Variants in SLC14A2 observed in about 807,000 individuals in gnomAD.
The protein encoded by SLC14A2 is urea transporter 2.
SLC14A2 carries 91 observed loss-of-function variants against 104.6 expected under a neutral mutation model. That is an observed-to-expected ratio of 0.87 (90% CI 0.73 to 1.04). The LOEUF is 1.04. Ranked by LOEUF, SLC14A2 falls within the 50% of genes least tolerant of loss-of-function variation. The pLI, the probability that SLC14A2 is intolerant of heterozygous loss-of-function variation, is 0.00. For synonymous variants in SLC14A2, 476 were observed against 466.4 expected (o/e 1.02, Z -0.27); for missense variants, 1,189 against 1,156.0 (o/e 1.03, Z -0.41).
At chr18:45,210,163 G>A (rs1306312825), upstream of SLC14A2, among the ~76,000 whole-genome samples, 1 of 152,170 alleles carries the variant, frequency 6.6e-6, no homozygotes. Flanking sequence ...GAAACATCCA[G>A]GATAGAATGA....
intron 1 of SLC14A2, among the ~76,000 whole-genome samples, chr18:45,385,508 G>C (rs2085885740): frequency 6.6e-6 from 1 of 152,208 alleles, no homozygotes; most frequent in African/African-American, 2.4e-5. Context: ...GTTGTTTCTA[G>C]AGAGGATTGA....
the SLC14A2 span, among the ~76,000 whole-genome samples, chr18:45,181,587 C>T: frequency 2.0e-5 from 3 of 152,070 alleles, no homozygotes; most frequent in African/African-American, 7.2e-5. Flanking sequence ...TTCCCAGATA[C>T]ATATGTAACA....
In SLC14A2 at chr18:45,637,188, T is replaced by A. The variant is rs781211943; in HGVS notation, c.843+6T>A. On this transcript the variant is annotated splice_donor_region_variant and intron_variant, in intron 6 of 19. Transcript: ENST00000255226. ...CAGAGATGGAAATGCCCCTGGTAAG[T>A]TACCCAGCGGTGATGAGTTGAGACC... The A allele has an allele frequency of 9.3e-6, 15 of 1,612,718 alleles. No homozygotes were observed. The East Asian group carries it at 3.1e-4, about 34-fold the overall frequency.
intron 1 of SLC14A2, among the ~76,000 whole-genome samples, chr18:45,341,662 G>A (rs1001237488): frequency 1.5e-5 from 2 of 129,400 alleles, no homozygotes; most frequent in East Asian, 2.2e-4. Flanking sequence ...GTGTGGTCTC[G>A]GCTCCCTGCA....
chr18:45,640,059 C>T (rs945721753), intron 7 of SLC14A2, among the ~76,000 whole-genome samples, 166 bp downstream of exon 7: 2 of 151,758 alleles, frequency 1.3e-5, no homozygotes, highest in Non-Finnish European at 2.9e-5. Flanking sequence ...TTTGGGAGGC[C>T]GAGGCACATA....
At chr18:45,543,548 A>G (rs1480777778) in intron 2 of SLC14A2, among the ~76,000 whole-genome samples, 1 of 152,192 alleles carries the variant, frequency 6.6e-6, no homozygotes, top group Non-Finnish European at 1.5e-5. Flanking sequence ...TACTGGACTA[A>G]TGACCTCTAA....
Position 45,665,688 on chromosome 18 carries a change from C to CTTTTTTTTTTT in SLC14A2, c.1475-431_1475-421dup, listed in dbSNP as rs146248418. 6.2e-4 allele frequency among the ~76,000 whole-genome samples: 49 copies of CTTTTTTTTTTT among 79,302 alleles called. 1 individual carries two copies. Among genetic ancestry groups the CTTTTTTTTTTT allele is most frequent in the African/African-American group, 2.4e-3 (44 of 18,134 alleles). 52.0% of individuals were successfully genotyped at this position (79,302 alleles called of 152,430 possible). A position where few individuals can be genotyped will look rare whatever the true frequency, so the allele number is the denominator to read the frequency against. ...AAGGGCTTCAACAACAACCAAGTTTCTTTTTTTTTTTTTTTTTTTTTTTTT... is the reference window on the plus strand; with the variant it reads ...AAGGGCTTCAACAACAACCAAGTTTCTTTTTTTTTTTTTTTTTTTTTTTTTTTTTTTTTTTT... On this transcript the variant is annotated intron_variant, in intron 11 of 19. Coordinates refer to ENST00000255226, the MANE Select transcript of SLC14A2 (RefSeq NM_007163.4).
intron 2 of SLC14A2, among the ~76,000 whole-genome samples, chr18:45,556,641 G>T (rs28522953): frequency 0.02 from 3,034 of 152,268 alleles, 112 homozygotes; most frequent in African/African-American, 0.069. Context: ...TTCGTGTGAA[G>T]ATTAAATGAG....
intron 1 of SLC14A2, among the ~76,000 whole-genome samples, chr18:45,369,639 A>T (rs920473325): frequency 6.6e-6 from 1 of 152,200 alleles, no homozygotes; most frequent in African/African-American, 2.4e-5. Flanking sequence ...GTAAAAGCAA[A>T]GCTGTGAGAA....
chr18:45,394,138 G>GT (rs1254634084), intron 1 of SLC14A2, among the ~76,000 whole-genome samples: 1 of 152,128 alleles, frequency 6.6e-6, no homozygotes, highest in Non-Finnish European at 1.5e-5. Context: ...TGATACTTTC[G>GT]TTAGTCCAAG....
chr18:45,294,348 C>G (rs2072673157), intron 1 of SLC14A2, among the ~76,000 whole-genome samples: 1 of 152,166 alleles, frequency 6.6e-6, no homozygotes. Flanking sequence ...GTTTTTTCTA[C>G]TGAAAACATC....
At chr18:45,306,754 C>T (rs570043046) in intron 1 of SLC14A2, among the ~76,000 whole-genome samples, 28 of 152,148 alleles carry the variant, frequency 1.8e-4, no homozygotes, top group African/African-American at 4.3e-4. Context: ...AGCATTATCT[C>T]GGGAACCCGC....
intron 1 of SLC14A2, among the ~76,000 whole-genome samples, chr18:45,303,994 A>G (rs12455102): frequency 6.6e-6 from 1 of 152,076 alleles, no homozygotes; most frequent in African/African-American, 2.4e-5. Context: ...ATTATTCGAC[A>G]ACCCAACTGA....
intron 1 of SLC14A2, among the ~76,000 whole-genome samples, chr18:45,384,999 A>T (rs888241271): frequency 1.3e-5 from 2 of 152,222 alleles, no homozygotes; most frequent in Non-Finnish European, 2.9e-5. Flanking sequence ...GATGAGCTAA[A>T]ACGCAGAAAC....
intron 1 of SLC14A2, among the ~76,000 whole-genome samples, chr18:45,302,581 C>T (rs1568142769): frequency 6.6e-6 from 1 of 152,170 alleles, no homozygotes; most frequent in African/African-American, 2.4e-5. Flanking sequence ...GAACAGAGGT[C>T]TTTATTTCTT....
chr18:45,377,977 G>A (rs1013624334), intron 1 of SLC14A2, among the ~76,000 whole-genome samples: 6 of 151,994 alleles, frequency 3.9e-5, no homozygotes, highest in Admixed American at 3.3e-4. Context: ...TATCTTCCTT[G>A]AAAATCCTAC....
At chr18:45,408,674 T>C (rs894872810) in intron 1 of SLC14A2, among the ~76,000 whole-genome samples, 9 of 152,186 alleles carry the variant, frequency 5.9e-5, no homozygotes, top group African/African-American at 2.2e-4. Context: ...TTCTTATCTG[T>C]GGACCACAGA....
intron 1 of SLC14A2, among the ~76,000 whole-genome samples, chr18:45,445,198 G>A (rs767529257): frequency 6.5e-5 from 9 of 139,368 alleles, no homozygotes; most frequent in East Asian, 2.3e-4. Flanking sequence ...CGAAACCTCC[G>A]CCTCCCAGGT....
chr18:45,388,510 A>T (rs1356383644), intron 1 of SLC14A2, among the ~76,000 whole-genome samples: 1 of 152,070 alleles, frequency 6.6e-6, no homozygotes. Context: ...CCATTCCTAG[A>T]TACCCTTCCT....
Sources: allele counts gnomAD v4.1 joint callset (sites outside exome capture counted in the v4.1 genomes callset), GRCh38; gene constraint gnomAD v4.1.1; transcripts MANE v1.5; gene names NCBI Gene and HGNC (gene_info 2026-07-23, HGNC 2026-07-21).